SBF1: variants seen among roughly 807,000 people sequenced by gnomAD.
The protein encoded by SBF1 is SET binding factor 1, also known as myotubularin-related protein 5.
In SBF1, 65 loss-of-function variants were observed where a neutral mutation model predicts 215.8. That is an observed-to-expected ratio of 0.30 (90% CI 0.25 to 0.37). SBF1 has a LOEUF of 0.37. Ranked by LOEUF, SBF1 falls within the 10% of genes least tolerant of loss-of-function variation. SBF1 has a pLI of 1.00. For synonymous variants in SBF1, 1,410 were observed against 1,122.8 expected (o/e 1.26, Z -5.11); for missense variants, 2,634 against 2,667.8 (o/e 0.99, Z 0.28).
chr22:50,448,431 G>A lies in SBF1; in HGVS notation c.5165C>T (p.Ser1722Phe), dbSNP rs775409467. The part of the protein sequence containing the change: ...GRPDGRGTPS[S>F]LLVSTAPHHR... ...GTGGGGTGCGGTGGACACAAGGAGG[G>A]AGCTAGGGGTGCCCTGGGAACAGGA... The change falls in exon 38 of 41, where the codon TCC (serine) becomes TTC (phenylalanine). Residue 1722 changes from serine to phenylalanine, a missense_variant. Physicochemically the swap from Ser to Phe is radical, Grantham distance 155 (BLOSUM62 -2). Coordinates refer to ENST00000380817, the MANE Select transcript of SBF1 (RefSeq NM_002972.4). 4 of 1,613,708 alleles carry A rather than the reference G, an allele frequency of 2.5e-6. No homozygotes were observed. The highest frequency in any genetic ancestry group is 2.2e-5 in the East Asian group (1 of 44,878).
At chr22:50,451,957 C>G (rs2067064605) in intron 36 of SBF1, among the ~76,000 whole-genome samples, 2 of 152,010 alleles carry the variant, frequency 1.3e-5, no homozygotes, top group South Asian at 4.2e-4. Context: ...CCACCATGCT[C>G]AGCTCATTTT....
intron 2 of SBF1, among the ~76,000 whole-genome samples, 196 bp downstream of exon 2, chr22:50,468,180 C>G (rs1224065276): frequency 6.6e-6 from 1 of 152,210 alleles, no homozygotes; most frequent in Non-Finnish European, 1.5e-5. Context: ...TGAGTGACAA[C>G]ATGACACAGT....
chr22:50,461,129 T>C (rs756767265), intron 23 of SBF1, 30 bp downstream of exon 23: 1 of 1,567,410 alleles, frequency 6.4e-7, no homozygotes, highest in Admixed American at 1.9e-5. Flanking sequence ...GGGCGGGGGA[T>C]GAGAGCCCCA....
rs1049058452 is a variant in SBF1 at position 50,459,112 on chromosome 22, G to A, written c.3826+143C>T. On this transcript the variant is annotated intron_variant, in intron 28 of 40. Coordinates refer to ENST00000380817, the MANE Select transcript of SBF1 (RefSeq NM_002972.4). The stretch of plus-strand genomic sequence containing the variant: ...TTCCCGCCCCTGCCCCACGGCACCC[G>A]GAGGGCATGCTCCTCATCCCACACC... 117 of 1,260,664 alleles carry A rather than the reference G, an allele frequency of 9.3e-5. 1 individual carries two copies. In the East Asian group the frequency reaches 2.2e-3, roughly 24 times the overall value. 78.1% of individuals were successfully genotyped at this position (1,260,664 alleles called of 1,614,324 possible).
chr22:50,458,123 C>T (rs1457767366), intron 28 of SBF1, among the ~76,000 whole-genome samples: 2 of 152,080 alleles, frequency 1.3e-5, no homozygotes, highest in African/African-American at 4.8e-5. Context: ...CACGGTAAAA[C>T]CCTGTCTCTA....
Position 50,466,041 on chromosome 22 carries a change from T to C in SBF1, c.931A>G (p.Thr311Ala). The part of the protein sequence containing the change: ...DVIVADLDGG[T>A]VTIPECVHIP... ...TGCACACACTCAGGAATGGTGACCG[T>C]CCCTCCATCCAGATCAGCAACAATC... Residue 311 changes from threonine (T) to alanine (A), a missense_variant, in exon 9 of 41, where the codon ACG (threonine) becomes GCG (alanine). Transcript: ENST00000380817. 2.5e-6 allele frequency: 4 copies of C among 1,613,754 alleles called. No individual in the cohort carries two copies. The highest frequency in any genetic ancestry group is 3.4e-6 in the Non-Finnish European group (4 of 1,180,016).
intron 1 of SBF1, among the ~76,000 whole-genome samples, chr22:50,469,443 C>A (rs534322103): frequency 2.6e-5 from 4 of 152,346 alleles, no homozygotes; most frequent in African/African-American, 9.6e-5. Flanking sequence ...GTAAAGGTCC[C>A]TGCCTGTGGC....
intron 1 of SBF1, among the ~76,000 whole-genome samples, chr22:50,473,281 C>T (rs1275024537): frequency 2.0e-5 from 3 of 152,272 alleles, no homozygotes; most frequent in African/African-American, 7.2e-5. Context: ...AGGCCCCTCA[C>T]GCCAAGACAG....
chr22:50,462,862 G>A lies in SBF1; in HGVS notation c.1968+8C>T. ...TGGGAAGGAGACCTCAGCCATGCCA[G>A]CACTCACCCGGCAGAAGGCTGTGAC... On this transcript the variant is annotated splice_region_variant and intron_variant, in intron 17 of 40. Transcript: ENST00000380817. 1 of 1,613,030 alleles carries A rather than the reference G, an allele frequency of 6.2e-7. No individual in the cohort carries two copies. Among genetic ancestry groups the A allele is most frequent in the Non-Finnish European group, 8.5e-7 (1 of 1,179,874 alleles).
At chr22:50,468,532 G>A in intron 1 of SBF1, 71 bp from the exon 2 acceptor site, 2 of 1,160,254 alleles carry the variant, frequency 1.7e-6, no homozygotes, top group Non-Finnish European at 2.4e-6. Flanking sequence ...AGGATCCCAG[G>A]GTGGAAACAT....
rs1385481441 is a variant in SBF1, at chr22:50,447,554, G to A, written c.5419C>T (p.Arg1807Cys). 11 of 1,612,670 alleles carry A rather than the reference G, an allele frequency of 6.8e-6. No individual in the cohort carries two copies. The highest frequency in any genetic ancestry group is 2.2e-5 in the East Asian group (1 of 44,820). Residue 1807 changes from arginine (R) to cysteine (C), a missense_variant, in exon 39 of 41, where the codon CGC (arginine) becomes TGC (cysteine). Physicochemically the swap from Arg to Cys is radical, Grantham distance 180 (BLOSUM62 -3). Coordinates refer to ENST00000380817, the MANE Select transcript of SBF1 (RefSeq NM_002972.4). ...KGAFMKPWKARWFVLDKTKHQ... is the reference protein window; with the variant it reads ...KGAFMKPWKACWFVLDKTKHQ... ...TTGGTCTTGTCCAGCACGAACCAGC[G>A]GGCCTTCCAAGGCTTCATGAAGGCC...
rs751728020 is a variant in SBF1 at position 50,459,322 on chromosome 22, G to C, written c.3759C>G (p.Pro1253=). The change falls in exon 28 of 41, where the codon CCC becomes CCG. Residue 1253 remains proline (P), a synonymous_variant. Coordinates refer to ENST00000380817, the MANE Select transcript of SBF1 (RefSeq NM_002972.4). Reference sequence around the variant, plus strand: ...TGCGTCCCGACGCGTCGGCGTAGCGGGGCATGGAGCTGACCACAGCCTGCA... The same window carrying C: ...TGCGTCCCGACGCGTCGGCGTAGCGCGGCATGGAGCTGACCACAGCCTGCA... ...KYLQAVVSSM[P]RYADASGRNT... is the part of the protein sequence containing the mutation. 3 of 1,612,770 alleles carry C rather than the reference G, an allele frequency of 1.9e-6. No homozygotes were observed. Among genetic ancestry groups the C allele is most frequent in the African/African-American group, 2.7e-5 (2 of 75,054 alleles).
rs765891317 is a variant in SBF1 at position 50,455,544 on chromosome 22, C to T, written c.4305G>A (p.Glu1435=). The change falls in exon 32 of 41, where the codon GAG becomes GAA. Residue 1435 remains glutamate (E), a synonymous_variant. Transcript: ENST00000380817. ...KLLQVSVLVV[E]LLDSGSSVLV... ...GCACGGAGGAGCCTGAATCCAGGAGCTCCACCACCAGCACAGACACCTGCA... is the reference window on the plus strand; with the variant it reads ...GCACGGAGGAGCCTGAATCCAGGAGTTCCACCACCAGCACAGACACCTGCA... 6.3e-7 allele frequency: 1 copy of T among 1,595,390 alleles called. No individual in the cohort carries two copies. Among genetic ancestry groups the T allele is most frequent in the South Asian group, 1.1e-5 (1 of 88,834 alleles).
chr22:50,465,356 AG>A (rs1406986282), intron 10 of SBF1, 28 bp from the exon 11 acceptor site: 8 of 1,540,426 alleles, frequency 5.2e-6, no homozygotes, highest in Non-Finnish European at 5.3e-6. Flanking sequence ...TGCAGGTGAG[AG>A]CCAGTCCTGC....
intron 1 of SBF1, among the ~76,000 whole-genome samples, chr22:50,474,096 C>T (rs1373201587): frequency 6.7e-6 from 1 of 150,052 alleles, no homozygotes; most frequent in African/African-American, 2.5e-5. Context: ...GCTGACCCCA[C>T]ACACAGACCT....
In SBF1 at chr22:50,452,986, AAG is replaced by A. The variant is rs934410821; in HGVS notation, c.5043+1524_5043+1525del. Among the ~76,000 whole-genome samples, 11 of 150,070 alleles carry A rather than the reference AAG, an allele frequency of 7.3e-5. No individual in the cohort carries two copies. The East Asian group carries it at 7.7e-4, about 11-fold the overall frequency. On this transcript the variant is annotated intron_variant, in intron 36 of 40. Coordinates refer to ENST00000380817, the MANE Select transcript of SBF1 (RefSeq NM_002972.4). ...ACTTGTTTTTTAAAAAAAGAAAAGA[AAG>A]AAAGGAAAAAAAATCAAAGGGACAA...
chr22:50,465,719 C>A lies in SBF1; in HGVS notation c.1089+44G>T, dbSNP rs775715798. On this transcript the variant is annotated intron_variant, in intron 10 of 40. Transcript: ENST00000380817. ...GGCAGCAGACCTGAGTGGGGGCAGC[C>A]TAAGTGCCTGGGGTCCCCATGCAGG... 12 of 1,541,092 alleles carry A rather than the reference C, an allele frequency of 7.8e-6. No individual in the cohort carries two copies. The East Asian group carries it at 2.9e-4, about 37-fold the overall frequency.
intron 24 of SBF1, 40 bp from the exon 25 acceptor site, chr22:50,460,448 G>T (rs369469230): frequency 6.2e-7 from 1 of 1,602,492 alleles, no homozygotes. Context: ...GAGGAGGAGG[G>T]ACAAAGATGA....
At position 50,459,635 on chromosome 22, in the gene SBF1, C is replaced by T; in HGVS notation, c.3523G>A (p.Val1175Ile). 6.2e-7 allele frequency: 1 copy of T among 1,607,856 alleles called. No individual in the cohort carries two copies. The highest frequency in any genetic ancestry group is 8.5e-7 in the Non-Finnish European group (1 of 1,178,118). Residue 1175 changes from valine (V) to isoleucine (I), a missense_variant, in exon 27 of 41, where the codon GTC becomes ATC. Coordinates refer to ENST00000380817, the MANE Select transcript of SBF1 (RefSeq NM_002972.4). ...YPGLLIVPQS[V>I]QDNALQRVSR... ...ACGCGCTGCAGGGCGTTGTCCTGGA[C>T]ACTCTGGGGCACGATCAGCAGCCCT...
Sources: gnomAD v4.1 joint callset for allele counts (sites outside exome capture counted in the v4.1 genomes callset) on GRCh38, gnomAD v4.1.1 for gene constraint, MANE v1.5 for transcripts, NCBI Gene and HGNC (gene_info 2026-07-23, HGNC 2026-07-21) for gene names.